The following MYH10 variants were observed in gnomAD, a reference collection of about 807,000 sequenced individuals.
MYH10 encodes the protein myosin-10.
A neutral mutation model predicts 257.8 loss-of-function variants in MYH10; 55 were observed. The observed-to-expected ratio is 0.21, with a 90% CI of 0.17 to 0.27. MYH10 has a LOEUF of 0.27. Among genes scored for constraint, MYH10 ranks in the 10% least tolerant of loss-of-function variants. The pLI, the probability that MYH10 is intolerant of heterozygous loss-of-function variation, is 1.00. For missense variants in MYH10, 1,631 were observed against 2,500.6 expected (o/e 0.65, Z 7.42); for synonymous variants, 854 against 921.7 (o/e 0.93, Z 1.33).
At chr17:8,478,179 G>T in intron 41 of MYH10, 159 bp downstream of exon 41, 1 of 641,888 alleles carries the variant, frequency 1.6e-6, no homozygotes, top group Non-Finnish European at 2.7e-6. Context: ...CCTGTGTCTC[G>T]GGTACTGGGA....
chr17:8,616,022 G>A (rs1440389131), intron 2 of MYH10, among the ~76,000 whole-genome samples: 2 of 152,196 alleles, frequency 1.3e-5, no homozygotes, highest in African/African-American at 4.8e-5. Context: ...GGTGGCTCAC[G>A]CCTATAATCC....
intron 9 of MYH10, among the ~76,000 whole-genome samples, chr17:8,549,739 C>T (rs1366041508): frequency 6.6e-6 from 1 of 152,168 alleles, no homozygotes; most frequent in African/African-American, 2.4e-5. Flanking sequence ...CGGTCTCCCT[C>T]TCATGCTGAG....
At chr17:8,595,547 C>T (rs538821825) in intron 3 of MYH10, among the ~76,000 whole-genome samples, 1 of 150,972 alleles carries the variant, frequency 6.6e-6, no homozygotes, top group South Asian at 2.1e-4. Flanking sequence ...ATTCTCCTGC[C>T]TCAGCCTCCC....
chr17:8,550,140 T>C (rs1245774894), intron 9 of MYH10, among the ~76,000 whole-genome samples: 1 of 143,742 alleles, frequency 7.0e-6, no homozygotes, highest in Non-Finnish European at 1.5e-5. Flanking sequence ...CGTCTCTGCC[T>C]GGCCGCCCAT....
At chr17:8,574,071 T>G (rs1021168985) in intron 6 of MYH10, among the ~76,000 whole-genome samples, 1 of 152,210 alleles carries the variant, frequency 6.6e-6, no homozygotes, top group Non-Finnish European at 1.5e-5. Flanking sequence ...TCACCATAAC[T>G]TGTACATGAG....
intron 3 of MYH10, among the ~76,000 whole-genome samples, chr17:8,590,759 T>TC (rs2084097378): frequency 6.6e-6 from 1 of 152,060 alleles, no homozygotes; most frequent in Admixed American, 6.6e-5. Flanking sequence ...AACATACTCT[T>TC]CCTAGACACA....
chr17:8,484,061 A>ATTAAC, intron 37 of MYH10, 77 bp downstream of exon 37: 2 of 1,387,252 alleles, frequency 1.4e-6, no homozygotes, highest in Non-Finnish European at 2.0e-6. Context: ...CTACAAATAT[A>ATTAAC]TTAACTTTTT....
intron 35 of MYH10, among the ~76,000 whole-genome samples, chr17:8,489,425 C>G (rs191027657): frequency 6.6e-6 from 1 of 152,074 alleles, no homozygotes; most frequent in Non-Finnish European, 1.5e-5. Flanking sequence ...CAAATCTGGC[C>G]GGGCATGGTG....
intron 17 of MYH10, among the ~76,000 whole-genome samples, chr17:8,526,521 G>A (rs2081851185): frequency 6.6e-6 from 1 of 152,214 alleles, no homozygotes; most frequent in Non-Finnish European, 1.5e-5. Context: ...CTAGAAGCCT[G>A]AAAAGTATTT....
At chr17:8,593,685 A>C (rs189338616) in intron 3 of MYH10, among the ~76,000 whole-genome samples, 54 of 152,236 alleles carry the variant, frequency 3.5e-4, no homozygotes, top group African/African-American at 1.3e-3. Context: ...TAATGAAAGA[A>C]GTCAAAGAAG....
chr17:8,612,364 A>G (rs2085073373), intron 2 of MYH10, among the ~76,000 whole-genome samples: 1 of 152,236 alleles, frequency 6.6e-6, no homozygotes, highest in Non-Finnish European at 1.5e-5. Context: ...GGAAGAATCA[A>G]TCTTCTATCT....
chr17:8,503,294 A>G (rs900685187), intron 28 of MYH10, among the ~76,000 whole-genome samples: 2 of 39,386 alleles, frequency 5.1e-5, no homozygotes, highest in Admixed American at 4.3e-4. Context: ...AAAAAAATAT[A>G]AAATAAAAAA....
At chr17:8,532,355 A>G (rs1345711898) in intron 16 of MYH10, among the ~76,000 whole-genome samples, 1 of 152,274 alleles carries the variant, frequency 6.6e-6, no homozygotes, top group Non-Finnish European at 1.5e-5. Context: ...GACTAAGTAC[A>G]GATGAATGGG....
chr17:8,531,887 C>T (rs8079726), intron 16 of MYH10, among the ~76,000 whole-genome samples: 66,201 of 152,046 alleles, frequency 0.44, 14,437 homozygotes, highest in East Asian at 0.5. Context: ...TCCCCTTATC[C>T]TGCGATCTCT....
intron 6 of MYH10, among the ~76,000 whole-genome samples, chr17:8,573,103 G>C (rs953103962): frequency 6.6e-6 from 1 of 152,186 alleles, no homozygotes; most frequent in Non-Finnish European, 1.5e-5. Context: ...TAAATATTTA[G>C]AGTTATATAC....
intron 27 of MYH10, among the ~76,000 whole-genome samples, chr17:8,505,771 A>C (rs1330118267): frequency 6.6e-6 from 1 of 152,216 alleles, no homozygotes; most frequent in Admixed American, 6.5e-5. Context: ...ACTTGGGGTC[A>C]GGAGTTTGGG....
chr17:8,490,289 G>T lies in MYH10; in HGVS notation c.4884+51C>A, dbSNP rs770790041. ...TGAACAGGATACTGACCCAGAGCTG[G>T]GCTTTGAGAGCCTGCACCCCTTGTT... On this transcript the variant is annotated intron_variant, in intron 35 of 42. Transcript: ENST00000360416. This position sits in a 1 kb window ranked among gnomAD's most constrained non-coding sequence, Gnocchi z 4.1. The T allele has an allele frequency of 6.5e-7, 1 of 1,546,066 alleles. No homozygotes were observed. Among genetic ancestry groups the T allele is most frequent in the South Asian group, 1.1e-5 (1 of 89,750 alleles).
At chr17:8,585,768 G>C (rs2083896113) in intron 4 of MYH10, among the ~76,000 whole-genome samples, 1 of 152,046 alleles carries the variant, frequency 6.6e-6, no homozygotes, top group Non-Finnish European at 1.5e-5. Context: ...ATAACGGTTT[G>C]GGTTATACAA....
chr17:8,578,394 C>T (rs1232551262), intron 4 of MYH10, among the ~76,000 whole-genome samples: 1 of 151,942 alleles, frequency 6.6e-6, no homozygotes, highest in Non-Finnish European at 1.5e-5. Context: ...AGGCACACGC[C>T]ACCACGCCTG....
Sources: gnomAD v4.1 joint callset for allele counts (sites outside exome capture counted in the v4.1 genomes callset) on GRCh38, gnomAD v4.1.1 for gene constraint, Gnocchi (gnomAD v3.1) non-coding constraint, MANE v1.5 for transcripts, NCBI Gene and HGNC (gene_info 2026-07-23, HGNC 2026-07-21) for gene names.